The following GABRA1 variants were observed in gnomAD, a reference collection of about 807,000 sequenced individuals.
GABRA1 encodes the protein gamma-aminobutyric acid type A receptor subunit alpha1, also known as gamma-aminobutyric acid receptor subunit alpha-1.
In GABRA1, 9 loss-of-function variants were observed where a neutral mutation model predicts 48.9. That is an observed-to-expected ratio of 0.18 (90% confidence interval 0.11 to 0.32). The LOEUF is 0.32. Ranked by LOEUF, GABRA1 falls within the 10% of genes least tolerant of loss-of-function variation. The pLI is 1.00. For synonymous variants in GABRA1, 210 were observed against 198.7 expected, an observed-to-expected ratio of 1.06 and a Z score of -0.48; for missense variants, 285 against 553.8, an observed-to-expected ratio of 0.51 and a Z score of 4.87.
chr5:161,863,625 A>G (rs1757942111), intron 3 of GABRA1, among the ~76,000 whole-genome samples: 1 of 152,038 alleles, frequency 6.6e-6, no homozygotes. Flanking sequence ...AAAGGTGCAC[A>G]TGAGATTTGG....
intron 7 of GABRA1, among the ~76,000 whole-genome samples, chr5:161,883,549 C>G (rs1754709325): frequency 6.6e-6 from 1 of 152,016 alleles, no homozygotes; most frequent in South Asian, 2.1e-4. Context: ...AATACATGCC[C>G]CACAAAGCCC....
intron 6 of GABRA1, among the ~76,000 whole-genome samples, chr5:161,881,065 T>G (rs574325884): frequency 6.6e-6 from 1 of 152,330 alleles, no homozygotes; most frequent in South Asian, 2.1e-4. Flanking sequence ...TCACTTTATC[T>G]TTGGATTTCA....
chr5:161,861,215 CTT>C (rs1757846457), intron 3 of GABRA1, among the ~76,000 whole-genome samples: 1 of 151,820 alleles, frequency 6.6e-6, no homozygotes, highest in African/African-American at 2.4e-5. Context: ...TTGATCAAGA[CTT>C]ATACTGATTA....
chr5:161,857,955 C>G (rs1757713002), intron 3 of GABRA1, among the ~76,000 whole-genome samples: 1 of 138,352 alleles, frequency 7.2e-6, no homozygotes, highest in African/African-American at 2.7e-5. Context: ...GGATAAAAGT[C>G]AGAAAAAATG....
chr5:161,885,788 C>A (rs1041138480), intron 7 of GABRA1, among the ~76,000 whole-genome samples: 2 of 152,084 alleles, frequency 1.3e-5, no homozygotes, highest in African/African-American at 4.8e-5. Flanking sequence ...GAGTATATGG[C>A]AGAGAAATAG....
intron 7 of GABRA1, among the ~76,000 whole-genome samples, chr5:161,885,282 T>A (rs1011985092): frequency 1.3e-5 from 2 of 152,100 alleles, no homozygotes; most frequent in Non-Finnish European, 2.9e-5. Flanking sequence ...CAGAGACCTT[T>A]GTGTAAGGTC....
intron 1 of GABRA1, chr5:161,850,294 G>T: frequency 4.1e-6 from 1 of 241,574 alleles, no homozygotes; most frequent in Non-Finnish European, 7.8e-6. Flanking sequence ...TGAAATCAAG[G>T]TACCTGCAGA....
chr5:161,862,195 G>T (rs1298961774), intron 3 of GABRA1, among the ~76,000 whole-genome samples: 1 of 151,564 alleles, frequency 6.6e-6, no homozygotes, highest in African/African-American at 2.4e-5. Flanking sequence ...TTACCCAAAG[G>T]CTTCCTACTG....
intron 7 of GABRA1, among the ~76,000 whole-genome samples, chr5:161,885,456 A>G (rs1754802894): frequency 2.0e-5 from 3 of 152,196 alleles, no homozygotes; most frequent in African/African-American, 7.2e-5. Context: ...CTTCTACTTT[A>G]AAATTCTCCC....
intron 7 of GABRA1, among the ~76,000 whole-genome samples, chr5:161,884,331 C>G (rs1443405526): frequency 6.6e-6 from 1 of 152,038 alleles, no homozygotes; most frequent in Non-Finnish European, 1.5e-5. Context: ...TAGACAAGCT[C>G]AGATTTTGCT....
chr5:161,853,055 A>G (rs2113302356), intron 2 of GABRA1, among the ~76,000 whole-genome samples: 1 of 151,966 alleles, frequency 6.6e-6, no homozygotes. Flanking sequence ...TTTACACCCT[A>G]TATTCATTTT....
In GABRA1 at chr5:161,888,169, G is replaced by A. The variant is rs945121034; in HGVS notation, c.704-2729G>A. Among the ~76,000 whole-genome samples the A allele has an allele frequency of 3.9e-5, 6 of 152,224 alleles. No homozygotes were observed. In the East Asian group the frequency reaches 1.2e-3, roughly 29 times the overall value. On this transcript the variant is annotated intron_variant, in intron 7 of 9. Transcript: ENST00000393943. ...TGACAATTCCCCTAGACTGTTGAAG[G>A]AGGGAAAATAATTTGACATGCTTTG...
intron 6 of GABRA1, among the ~76,000 whole-genome samples, chr5:161,877,186 C>G (rs1179343989): frequency 2.0e-5 from 3 of 152,136 alleles, no homozygotes; most frequent in African/African-American, 7.2e-5. Flanking sequence ...CTCAAGTAAA[C>G]CTTCCACCTT....
intron 6 of GABRA1, among the ~76,000 whole-genome samples, chr5:161,880,049 A>C (rs1461929539): frequency 6.6e-6 from 1 of 152,210 alleles, no homozygotes; most frequent in Non-Finnish European, 1.5e-5. Context: ...TGGCTTATGC[A>C]AACCTATCTA....
rs146565630 is a variant in GABRA1 at position 161,858,566 on chromosome 5, C to T, written c.187+4296C>T. ...TACAGTTTATCACTAAGAGGTGATG[C>T]CACCAAGCTAAGGGTTTTTTCTTCT... On this transcript the variant is annotated intron_variant, in intron 3 of 9. Transcript: ENST00000393943. Among the ~76,000 whole-genome samples, 405 of 151,794 alleles carry T rather than the reference C, an allele frequency of 2.7e-3. 3 individuals are homozygous for T. The highest frequency in any genetic ancestry group is 9.1e-3 in the African/African-American group (378 of 41,482).
At chr5:161,886,620 T>C (rs1371933069) in intron 7 of GABRA1, among the ~76,000 whole-genome samples, 3 of 151,418 alleles carry the variant, frequency 2.0e-5, no homozygotes, top group Non-Finnish European at 4.4e-5. Flanking sequence ...TACAAAAAAT[T>C]AAAAAATTAG....
intron 3 of GABRA1, among the ~76,000 whole-genome samples, chr5:161,865,148 A>C (rs1490197866): frequency 6.6e-6 from 1 of 152,134 alleles, no homozygotes; most frequent in East Asian, 1.9e-4. Context: ...TTTCTGTGCC[A>C]TAATATGTTC....
At chr5:161,863,285 A>G (rs1757930684) in intron 3 of GABRA1, among the ~76,000 whole-genome samples, 1 of 151,976 alleles carries the variant, frequency 6.6e-6, no homozygotes, top group African/African-American at 2.4e-5. Flanking sequence ...CTATAGAGAA[A>G]TAACTGAGAC....
intron 5 of GABRA1, 79 bp downstream of exon 5, chr5:161,873,416 G>A (rs977831831): frequency 8.9e-7 from 1 of 1,129,394 alleles, no homozygotes; most frequent in African/African-American, 1.5e-5. Context: ...TCAGGCTGAT[G>A]AGCCATGGTG....
Sources: gnomAD v4.1 joint callset for allele counts (sites outside exome capture counted in the v4.1 genomes callset) on GRCh38, gnomAD v4.1.1 for gene constraint, MANE v1.5 for transcripts, NCBI Gene and HGNC (gene_info 2026-07-23, HGNC 2026-07-21) for gene names.